Variants in ANKRD30B observed in about 807,000 individuals in gnomAD.
ANKRD30B encodes the protein ankyrin repeat domain 30B.
A neutral mutation model predicts 202.2 loss-of-function variants in ANKRD30B; 144 were observed. That is an observed-to-expected ratio of 0.71 (90% confidence interval 0.62 to 0.82). ANKRD30B has a LOEUF of 0.82. ANKRD30B is among the 40% of genes least tolerant of loss of function. The probability of loss-of-function intolerance (pLI) is 0.00; values close to 1 mark genes in which losing one functional copy is unlikely to be tolerated. For missense variants in ANKRD30B, 1,487 were observed against 1,669.1 expected (o/e 0.89, Z 1.90); for synonymous variants, 508 against 561.3 (o/e 0.91, Z 1.34).
At chr18:14,913,849 A>G in the ANKRD30B span, among the ~76,000 whole-genome samples, 4 of 152,212 alleles carry the variant, frequency 2.6e-5, no homozygotes, top group Admixed American at 2.6e-4. Flanking sequence ...AGTAAAAATT[A>G]ACATCTATAC....
the ANKRD30B span, among the ~76,000 whole-genome samples, chr18:14,926,296 A>ACT: frequency 1.3e-5 from 2 of 152,266 alleles, no homozygotes; most frequent in Non-Finnish European, 2.9e-5. Flanking sequence ...ACATGAAAAG[A>ACT]ACAAGAAATG....
chr18:14,852,155 A>G lies in ANKRD30B; in HGVS notation c.4211A>G (p.Glu1404Gly). Residue 1404 changes from glutamate to glycine, a missense_variant, in exon 42 of 44, where the codon GAA becomes GGA. Coordinates refer to ENST00000690538, the MANE Select transcript of ANKRD30B (RefSeq NM_001367607.2). ...AAAGCTGAACACATGTATCAAAATG[A>G]ACAAGATAATGTGGACAAACACACT... ...MKKAEHMYQN[E>G]QDNVDKHTEQ... 6.3e-7 allele frequency: 1 copy of G among 1,593,836 alleles called. No individual in the cohort carries two copies. The highest frequency in any genetic ancestry group is 8.5e-7 in the Non-Finnish European group (1 of 1,170,030).
chr18:14,881,488 A>G, the ANKRD30B span, among the ~76,000 whole-genome samples: 10 of 152,138 alleles, frequency 6.6e-5, no homozygotes, highest in East Asian at 1.9e-3. Flanking sequence ...GTTAGATAGT[A>G]TTTTGTTAGG....
At chr18:14,834,946 G>T (rs1971108943) in intron 34 of ANKRD30B, among the ~76,000 whole-genome samples, 1 of 151,744 alleles carries the variant, frequency 6.6e-6, no homozygotes, top group African/African-American at 2.4e-5. Flanking sequence ...CAACTTTATT[G>T]TGAATTATTA....
the ANKRD30B span, chr18:14,890,119 A>C: frequency 1.1e-6 from 1 of 925,008 alleles, no homozygotes; most frequent in Non-Finnish European, 1.7e-6. Flanking sequence ...AAGACATGTC[A>C]GGTATTCGTT....
chr18:14,826,842 G>A (rs190308904), intron 32 of ANKRD30B, among the ~76,000 whole-genome samples: 50 of 152,102 alleles, frequency 3.3e-4, no homozygotes, highest in Non-Finnish European at 1.8e-4. Flanking sequence ...TTCTATAAGT[G>A]CATATTTGTG....
chr18:14,830,394 T>G (rs2143077803), intron 33 of ANKRD30B, among the ~76,000 whole-genome samples: 1 of 152,190 alleles, frequency 6.6e-6, no homozygotes, highest in South Asian at 2.1e-4. Flanking sequence ...TAGTTAGACT[T>G]TCTTACTTTT....
chr18:14,778,278 A>G (rs891194884), intron 10 of ANKRD30B, among the ~76,000 whole-genome samples: 4 of 152,220 alleles, frequency 2.6e-5, no homozygotes, highest in Non-Finnish European at 4.4e-5. Context: ...TTATTAGTTT[A>G]AATTCAATAT....
At chr18:14,850,084 G>C in intron 40 of ANKRD30B, 130 bp from the exon 41 acceptor site, 1 of 699,938 alleles carries the variant, frequency 1.4e-6, no homozygotes, top group Non-Finnish European at 2.1e-6. Context: ...CAGAGAACTA[G>C]AAAGAAAAAA....
chr18:14,890,670 T>C, the ANKRD30B span, among the ~76,000 whole-genome samples: 1 of 148,230 alleles, frequency 6.7e-6, no homozygotes, highest in African/African-American at 2.5e-5. Flanking sequence ...TTAAAAATTA[T>C]GGCTAACAGA....
chr18:14,850,509 A>G, intron 41 of ANKRD30B, 127 bp downstream of exon 41: 1 of 1,007,090 alleles, frequency 9.9e-7, no homozygotes, highest in Non-Finnish European at 1.3e-6. Context: ...CTTAAAATTA[A>G]CTATGACTTT....
At chr18:14,797,985 A>C (rs1282012401) in intron 20 of ANKRD30B, 131 bp downstream of exon 20, 39 of 942,104 alleles carry the variant, frequency 4.1e-5, no homozygotes, top group South Asian at 3.2e-4. Context: ...AATAATGCCA[A>C]TGTTAGTATT....
intron 4 of ANKRD30B, among the ~76,000 whole-genome samples, chr18:14,757,002 G>T (rs188066887): frequency 6.6e-6 from 1 of 152,206 alleles, no homozygotes; most frequent in African/African-American, 2.4e-5. Context: ...ATTAATTTTA[G>T]GTTATCCCTA....
the ANKRD30B span, among the ~76,000 whole-genome samples, chr18:14,867,997 C>T: frequency 2.0e-5 from 3 of 152,240 alleles, no homozygotes; most frequent in Non-Finnish European, 2.9e-5. Flanking sequence ...GAATATGGCA[C>T]AGCTCTGTGA....
chr18:14,902,342 A>C, the ANKRD30B span, among the ~76,000 whole-genome samples: 1 of 152,188 alleles, frequency 6.6e-6, no homozygotes, highest in African/African-American at 2.4e-5. Context: ...GGGGGACCTC[A>C]AAAAAGAGGG....
At chr18:14,865,129 A>T in the ANKRD30B span, among the ~76,000 whole-genome samples, 165 of 149,638 alleles carry the variant, frequency 1.1e-3, no homozygotes, top group African/African-American at 3.9e-3. Context: ...CCCTCCATCT[A>T]CCCAAACACT....
At chr18:14,756,230 T>C (rs1320537667) in intron 4 of ANKRD30B, among the ~76,000 whole-genome samples, 6 of 152,242 alleles carry the variant, frequency 3.9e-5, no homozygotes, top group Non-Finnish European at 8.8e-5. Flanking sequence ...TCATACCCTT[T>C]GCCCACTTTT....
At chr18:14,871,075 A>T in the ANKRD30B span, among the ~76,000 whole-genome samples, 48 of 24,528 alleles carry the variant, frequency 2.0e-3, no homozygotes, top group African/African-American at 8.0e-3. Context: ...ACCCCCACCC[A>T]CAGACCCCCA....
chr18:14,912,694 A>G, the ANKRD30B span, among the ~76,000 whole-genome samples: 1 of 152,206 alleles, frequency 6.6e-6, no homozygotes. Context: ...AAAGATTGGT[A>G]TTAGTTCTTC....
Sources: gnomAD v4.1 joint callset for allele counts (sites outside exome capture counted in the v4.1 genomes callset) on GRCh38, gnomAD v4.1.1 for gene constraint, MANE v1.5 for transcripts, NCBI Gene and HGNC (gene_info 2026-07-23, HGNC 2026-07-21) for gene names.